Variants in ADNP2 observed in about 807,000 individuals in gnomAD.
ADNP2 encodes the protein ADNP homeobox 2, also known as activity-dependent neuroprotector homeobox protein 2.
A neutral mutation model predicts 16.4 loss-of-function variants in ADNP2; 8 were observed. The observed-to-expected ratio is 0.49, with a 90% CI of 0.29 to 0.88. The LOEUF is 0.88. ADNP2 is among the 40% of genes least tolerant of loss of function. The pLI is 0.09. For missense variants in ADNP2, 1,397 were observed against 1,395.1 expected (o/e 1.00, Z -0.02); for synonymous variants, 637 against 545.8 (o/e 1.17, Z -2.33).
At chr18:80,111,692 G>C (rs1018336766) in intron 1 of ADNP2, among the ~76,000 whole-genome samples, 3 of 151,022 alleles carry the variant, frequency 2.0e-5, no homozygotes, top group African/African-American at 7.3e-5. Context: ...TCAGCGTCCC[G>C]AGTAGGACCC....
At chr18:80,132,890 T>C (rs1446592716) in intron 2 of ADNP2, among the ~76,000 whole-genome samples, 1 of 152,068 alleles carries the variant, frequency 6.6e-6, no homozygotes. Flanking sequence ...CAGCTAATTT[T>C]TGTATTTTTT....
intron 2 of ADNP2, among the ~76,000 whole-genome samples, chr18:80,125,658 A>C (rs1305502815): frequency 6.6e-6 from 1 of 151,866 alleles, no homozygotes; most frequent in Non-Finnish European, 1.5e-5. Context: ...AAAAATAAAA[A>C]AAAATAGCCA....
chr18:80,123,921 G>A, intron 2 of ADNP2, among the ~76,000 whole-genome samples: 1 of 151,806 alleles, frequency 6.6e-6, no homozygotes, highest in Non-Finnish European at 1.5e-5. Flanking sequence ...GTAGAGGTGG[G>A]GTTTCACCAT....
At chr18:80,119,250 C>T (rs76852900) in intron 2 of ADNP2, among the ~76,000 whole-genome samples, 86 of 152,042 alleles carry the variant, frequency 5.7e-4, no homozygotes, top group Non-Finnish European at 1.1e-3. Context: ...TGTTTTCAAG[C>T]AGCAGAAACC....
intron 2 of ADNP2, among the ~76,000 whole-genome samples, chr18:80,125,717 G>C (rs1348298419): frequency 6.6e-6 from 1 of 152,064 alleles, no homozygotes; most frequent in Admixed American, 6.5e-5. Flanking sequence ...AGGCTGAGGT[G>C]GGAGGATCCC....
At chr18:80,116,310 T>A (rs1302991201) in intron 1 of ADNP2, among the ~76,000 whole-genome samples, 1 of 152,262 alleles carries the variant, frequency 6.6e-6, no homozygotes, top group Admixed American at 6.5e-5. Flanking sequence ...TTGGTTTGTT[T>A]ACACATTTTG....
rs755240196 is a variant in ADNP2, at chr18:80,139,910, C to G, written c.*1101C>G. 1 of 152,294 alleles carries G rather than the reference C, an allele frequency of 6.6e-6. No individual in the cohort carries two copies. Among genetic ancestry groups the G allele is most frequent in the Non-Finnish European group, 1.5e-5 (1 of 68,032 alleles). The allele number at this position is 152,294 out of a possible 1,614,324, so 9.4% of individuals were successfully genotyped here. A position where few individuals can be genotyped will look rare whatever the true frequency, so the allele number is the denominator to read the frequency against. ...AGCTGGTTTAGGCTGGAAGCTGTGT[C>G]CGGGTCGATGGGATGGCATATTGTT... On this transcript the variant is annotated 3_prime_UTR_variant, in exon 4 of 4. Coordinates refer to ENST00000262198, the MANE Select transcript of ADNP2 (RefSeq NM_014913.4).
intron 2 of ADNP2, among the ~76,000 whole-genome samples, chr18:80,117,975 G>A (rs2052399989): frequency 6.6e-6 from 1 of 151,956 alleles, no homozygotes; most frequent in Admixed American, 6.6e-5. Flanking sequence ...TCAACAAATG[G>A]GCATGCATAA....
intron 2 of ADNP2, among the ~76,000 whole-genome samples, chr18:80,129,138 C>T (rs1388617802): frequency 7.3e-6 from 1 of 136,642 alleles, no homozygotes; most frequent in African/African-American, 2.8e-5. Context: ...GGGTCTCGCT[C>T]TGTCTTCCAG....
At chr18:80,129,209 T>G (rs1229988758) in intron 2 of ADNP2, among the ~76,000 whole-genome samples, 1 of 150,680 alleles carries the variant, frequency 6.6e-6, no homozygotes, top group Non-Finnish European at 1.5e-5. Flanking sequence ...GTTCAAGCAA[T>G]TCTCCTGCCT....
intron 3 of ADNP2, 87 bp downstream of exon 3, chr18:80,133,279 G>C (rs1240754793): frequency 1.8e-6 from 2 of 1,094,488 alleles, no homozygotes; most frequent in Non-Finnish European, 2.8e-6. Flanking sequence ...ACATGTATTG[G>C]GGTTGCTGGT....
At chr18:80,125,382 G>A (rs1006050595) in intron 2 of ADNP2, among the ~76,000 whole-genome samples, 1 of 152,208 alleles carries the variant, frequency 6.6e-6, no homozygotes, top group East Asian at 1.9e-4. Flanking sequence ...GGTGGCTCAC[G>A]CCTGTAATCC....
In ADNP2 at chr18:80,138,830, A is replaced by AAT. The variant is rs2052562355; in HGVS notation, c.*21_*22insAT. On this transcript the variant is annotated 3_prime_UTR_variant, in exon 4 of 4. Coordinates refer to ENST00000262198, the MANE Select transcript of ADNP2 (RefSeq NM_014913.4). ...CATAAAACTTGCAAAAAAAAAAAAA[A>AAT]GTAACTCTAAAGTAGTAGGTAGATT... 1.4e-6 allele frequency: 2 copies of AAT among 1,470,516 alleles called. No homozygotes were observed. The highest frequency in any genetic ancestry group is 5.5e-5 in the Admixed American group (2 of 36,618). The allele number at this position is 1,470,516 out of a possible 1,614,324, so 91.1% of individuals were successfully genotyped here.
At position 80,138,201 on chromosome 18, in the gene ADNP2, G is replaced by A; in HGVS notation, c.2788G>A (p.Ala930Thr). ...CTACACGGGAAATATGACCCTGGCT[G>A]CCATCGCCGTCCATTTGGTGCGCTG... Reference protein sequence around the residue: ...GVYTGNMTLAAIAVHLVRCRS... With the variant: ...GVYTGNMTLATIAVHLVRCRS... Residue 930 changes from alanine to threonine, a missense_variant, in exon 4 of 4, where the codon GCC (alanine) becomes ACC (threonine). Physicochemically the swap from Ala to Thr is moderately conservative, Grantham distance 58 (BLOSUM62 0). Coordinates refer to ENST00000262198, the MANE Select transcript of ADNP2 (RefSeq NM_014913.4). The A allele has an allele frequency of 6.2e-7, 1 of 1,614,162 alleles. No homozygotes were observed. Among genetic ancestry groups the A allele is most frequent in the Non-Finnish European group, 8.5e-7 (1 of 1,180,044 alleles).
At chr18:80,127,795 G>T (rs898295736) in intron 2 of ADNP2, among the ~76,000 whole-genome samples, 2 of 152,210 alleles carry the variant, frequency 1.3e-5, no homozygotes, top group African/African-American at 4.8e-5. Flanking sequence ...ACCTTGCTGT[G>T]AAGGCTTGAC....
At chr18:80,118,971 T>A (rs2145194806) in intron 2 of ADNP2, among the ~76,000 whole-genome samples, 1 of 152,302 alleles carries the variant, frequency 6.6e-6, no homozygotes, top group African/African-American at 2.4e-5. Flanking sequence ...CAGAAGTTTT[T>A]TATAGGAAAA....
intron 1 of ADNP2, among the ~76,000 whole-genome samples, chr18:80,113,131 A>G (rs35321148): frequency 0.18 from 27,502 of 152,182 alleles, 2,759 homozygotes; most frequent in Middle Eastern, 0.25. Flanking sequence ...CTCTTGTGTG[A>G]GAGTGTAAGC....
Position 80,137,532 on chromosome 18 carries a change from G to C in ADNP2, c.2119G>C (p.Val707Leu). The C allele has an allele frequency of 1.9e-6, 3 of 1,614,214 alleles. No homozygotes were observed. Among genetic ancestry groups the C allele is most frequent in the Non-Finnish European group, 2.5e-6 (3 of 1,180,048 alleles). ...PVCNELFPSNVYQVHMEVAHK... is the reference protein window; with the variant it reads ...PVCNELFPSNLYQVHMEVAHK... Reference sequence around the variant, plus strand: ...CTGCAACGAGCTCTTTCCGTCCAACGTCTACCAGGTCCACATGGAGGTAGC... The same window carrying C: ...CTGCAACGAGCTCTTTCCGTCCAACCTCTACCAGGTCCACATGGAGGTAGC... Residue 707 changes from valine to leucine, a missense_variant, in exon 4 of 4, where the codon GTC (valine) becomes CTC (leucine). By Grantham distance (32) the Val-to-Leu change is conservative. Transcript: ENST00000262198. This position sits in a 1 kb window ranked among gnomAD's most constrained non-coding sequence, Gnocchi z 4.2.
rs146086917 is a variant in ADNP2 at position 80,115,104 on chromosome 18, G to T, written c.-13-2426G>T. 6.6e-4 allele frequency among the ~76,000 whole-genome samples: 100 copies of T among 152,306 alleles called. No individual in the cohort carries two copies. In the East Asian group the frequency reaches 0.014, roughly 21 times the overall value. ...GCTGCCACTTTTGGGAGGAGTGTTA[G>T]GGCCGTATTGTAAGAGCATGTGGGT... On this transcript the variant is annotated intron_variant, in intron 1 of 3. Transcript: ENST00000262198.
Sources: allele counts gnomAD v4.1 joint callset (sites outside exome capture counted in the v4.1 genomes callset), GRCh38; gene constraint gnomAD v4.1.1; non-coding constraint Gnocchi (gnomAD v3.1); transcripts MANE v1.5; gene names NCBI Gene and HGNC (gene_info 2026-07-23, HGNC 2026-07-21).